The following EIF3F variants were observed in gnomAD, a reference collection of about 807,000 sequenced individuals.
EIF3F encodes the protein eukaryotic translation initiation factor 3 subunit F.
Under a neutral mutation model 36.0 loss-of-function variants are expected in EIF3F, and 8 were observed. The ratio of observed to expected loss-of-function variants is 0.22; its 90% CI spans 0.13 to 0.40. The LOEUF is 0.40. EIF3F is among the 10% of genes least tolerant of loss of function. The probability of loss-of-function intolerance (pLI) is 1.00; values close to 1 mark genes in which losing one functional copy is unlikely to be tolerated. For missense variants in EIF3F, 430 were observed against 467.6 expected (o/e 0.92, Z 0.74); for synonymous variants, 184 against 188.5 (o/e 0.98, Z 0.19).
chr11:7,993,502 C>T (rs1179954427), intron 4 of EIF3F, among the ~76,000 whole-genome samples: 2 of 152,182 alleles, frequency 1.3e-5, no homozygotes, highest in Admixed American at 6.5e-5. Context: ...ATGACAATGA[C>T]ATTACAGTGA....
intron 4 of EIF3F, 90 bp from the exon 5 acceptor site, chr11:7,994,336 T>C (rs1942136852): frequency 8.9e-7 from 1 of 1,125,032 alleles, no homozygotes; most frequent in African/African-American, 1.6e-5. Context: ...TTGAGAGCCA[T>C]ATTCCTGCTG....
intron 3 of EIF3F, chr11:7,992,476 G>A (rs1589905456): frequency 2.3e-6 from 1 of 436,856 alleles, no homozygotes. Context: ...GGAGGCTGAG[G>A]CTAGAGGATC....
chr11:7,999,734 A>T lies in EIF3F; in HGVS notation c.*3712A>T, dbSNP rs1942198740. 1 of 152,260 alleles carries T rather than the reference A, an allele frequency of 6.6e-6. No homozygotes were observed. The highest frequency in any genetic ancestry group is 2.4e-5 in the African/African-American group (1 of 41,472). 9.4% of individuals were successfully genotyped at this position (152,260 alleles called of 1,614,324 possible). A position where few individuals can be genotyped will look rare whatever the true frequency, so the allele number is the denominator to read the frequency against. ...ACTTGGTGTGAATGTAAATTAGTAC[A>T]GACATTGTGGAAAACAGTTTGTAGA... On this transcript the variant is annotated 3_prime_UTR_variant, in exon 8 of 8. Coordinates refer to ENST00000651655, the MANE Select transcript of EIF3F (RefSeq NM_003754.3).
chr11:7,991,749 A>G (rs369742788), intron 1 of EIF3F, 32 bp from the exon 2 acceptor site: 8 of 1,611,446 alleles, frequency 5.0e-6, no homozygotes, highest in South Asian at 4.4e-5. Context: ...CCCTAGGATT[A>G]TATAACACAT....
chr11:7,993,092 C>A, intron 4 of EIF3F, 68 bp downstream of exon 4: 1 of 1,495,654 alleles, frequency 6.7e-7, no homozygotes, highest in South Asian at 1.3e-5. Context: ...CCACCCCAAG[C>A]AAGGTTAATT....
At chr11:7,994,393 G>C (rs757476263) in intron 4 of EIF3F, 33 bp from the exon 5 acceptor site, 38 of 1,594,054 alleles carry the variant, frequency 2.4e-5, no homozygotes, top group African/African-American at 1.3e-4. Context: ...CTCTCCCAAG[G>C]CCATCTGTTT....
At chr11:7,992,229 T>C in intron 3 of EIF3F, 66 bp downstream of exon 3, 1 of 1,353,922 alleles carries the variant, frequency 7.4e-7, no homozygotes, top group Non-Finnish European at 1.0e-6. Context: ...TGTCTTTTGC[T>C]ACTGGACTGG....
rs1393713190 is a variant in EIF3F at position 7,993,109 on chromosome 11, A to C, written c.653+85A>C. 4.9e-6 allele frequency: 7 copies of C among 1,441,746 alleles called. No homozygotes were observed. The East Asian group carries it at 1.7e-4, about 36-fold the overall frequency. The allele number at this position is 1,441,746 out of a possible 1,614,324, so 89.3% of individuals were successfully genotyped here. ...ACCCCAAGCAAGGTTAATTCCTTCC[A>C]TGTGTAACTTGCTGTGTCCTTAGGA... On this transcript the variant is annotated intron_variant, in intron 4 of 7. Transcript: ENST00000651655.
chr11:7,992,217 G>C, intron 3 of EIF3F, 54 bp downstream of exon 3: 2 of 1,454,918 alleles, frequency 1.4e-6, no homozygotes, highest in Admixed American at 3.5e-5. Flanking sequence ...CGTGATTGCC[G>C]GTGTCTTTTG....
intron 1 of EIF3F, among the ~76,000 whole-genome samples, chr11:7,989,914 A>T (rs1942073166): frequency 6.6e-6 from 1 of 152,252 alleles, no homozygotes; most frequent in Non-Finnish European, 1.5e-5. Context: ...GTATTAAATA[A>T]TTACAAATGT....
At chr11:7,990,463 C>T (rs933494127) in intron 1 of EIF3F, among the ~76,000 whole-genome samples, 1 of 152,054 alleles carries the variant, frequency 6.6e-6, no homozygotes, top group African/African-American at 2.4e-5. Context: ...TAGATCAGGG[C>T]CTGGCCTAGA....
At position 7,992,178 on chromosome 11, in the gene EIF3F, T is replaced by TG. The variant is rs777403718; in HGVS notation, c.515+20dup. On this transcript the variant is annotated intron_variant, in intron 3 of 7. Transcript: ENST00000651655. ...ATCCTGGGCTGGTAAGTTGGGGAGG[T>TG]GGGGGCTGGGGTTAATGGAAGGTCT... is the stretch of plus-strand genomic sequence containing the variant. The TG allele has an allele frequency of 1.0e-5, 16 of 1,603,328 alleles. No homozygotes were observed. Among genetic ancestry groups the TG allele is most frequent in the Non-Finnish European group, 1.0e-5 (12 of 1,175,182 alleles).
In EIF3F at chr11:7,992,945, C is replaced by T; in HGVS notation, c.574C>T (p.Arg192Ter). 2 of 1,613,818 alleles carry T rather than the reference C, an allele frequency of 1.2e-6. No homozygotes were observed. The highest frequency in any genetic ancestry group is 1.7e-6 in the Non-Finnish European group (2 of 1,179,910). Residue 192 changes from arginine (R) to a stop codon, truncating the protein, a stop_gained, in exon 4 of 8, where the codon CGA becomes TGA. Coordinates refer to ENST00000651655, the MANE Select transcript of EIF3F (RefSeq NM_003754.3). LOFTEE classifies it high-confidence loss of function. ...HSVLIHEYYS[R>*]EAPNPIHLTV... The stretch of plus-strand genomic sequence containing the variant: ...TGTGCTGATCCACGAGTACTACAGC[C>T]GAGAGGCCCCCAACCCCATCCACCT...
chr11:7,987,516 C>T lies in EIF3F; in HGVS notation c.164C>T (p.Ala55Val), dbSNP rs760687210. The change falls in exon 1 of 8, where the codon GCA becomes GTA. Residue 55 changes from alanine (A) to valine (V), a missense_variant. Physicochemically the swap from Ala to Val is moderately conservative, Grantham distance 64. Transcript: ENST00000651655. ...TCAGACCCTGCGGCAGCAGCGGCTG[C>T]AACTGCGGCTCCTGGCCAGACCCCG... The part of the protein sequence containing the change: ...SSSDPAAAAA[A>V]TAAPGQTPAS... The T allele has an allele frequency of 6.2e-7, 1 of 1,606,514 alleles. No individual in the cohort carries two copies.
intron 1 of EIF3F, among the ~76,000 whole-genome samples, chr11:7,988,508 A>G (rs893594150): frequency 4.6e-5 from 7 of 152,254 alleles, no homozygotes; most frequent in African/African-American, 1.7e-4. Context: ...AGTTTGTAAA[A>G]TGGAAAAGCA....
chr11:7,995,528 G>C (rs1400238941), intron 7 of EIF3F, 161 bp downstream of exon 7: 1 of 659,936 alleles, frequency 1.5e-6, no homozygotes, highest in Non-Finnish European at 2.7e-6. Flanking sequence ...AGGAAGAGGT[G>C]TGTTATGCGT....
In EIF3F at chr11:7,997,010, G is replaced by A. The variant is rs921201511; in HGVS notation, c.*988G>A. On this transcript the variant is annotated 3_prime_UTR_variant, in exon 8 of 8. Coordinates refer to ENST00000651655, the MANE Select transcript of EIF3F (RefSeq NM_003754.3). ...ACTTGTGGAGAATATCACCTGGTAT[G>A]TAGTAAGCACAGATAAGTGGTAGAT... The A allele has an allele frequency of 6.6e-6, 1 of 152,202 alleles. No individual in the cohort carries two copies. Among genetic ancestry groups the A allele is most frequent in the African/African-American group, 2.4e-5 (1 of 41,444 alleles). 9.4% of individuals were successfully genotyped at this position (152,202 alleles called of 1,614,324 possible).
chr11:7,989,484 A>G (rs541156821), intron 1 of EIF3F, among the ~76,000 whole-genome samples: 4 of 152,200 alleles, frequency 2.6e-5, no homozygotes, highest in Non-Finnish European at 4.4e-5. Flanking sequence ...GCTTGCTATG[A>G]ACTTATTTCC....
At position 7,987,530 on chromosome 11, in the gene EIF3F, G is replaced by C; in HGVS notation, c.178G>C (p.Gly60Arg). Reference sequence around the variant, plus strand: ...AGCAGCGGCTGCAACTGCGGCTCCTGGCCAGACCCCGGCCTCAGCGCAAGC... The same window carrying C: ...AGCAGCGGCTGCAACTGCGGCTCCTCGCCAGACCCCGGCCTCAGCGCAAGC... ...AAAAAATAAP[G>R]QTPASAQAPA... The change falls in exon 1 of 8, where the codon GGC (glycine) becomes CGC (arginine). Residue 60 changes from glycine (G) to arginine (R), a missense_variant. Transcript: ENST00000651655. The C allele has an allele frequency of 6.2e-7, 1 of 1,604,940 alleles. No homozygotes were observed.
Sources: allele counts gnomAD v4.1 joint callset (sites outside exome capture counted in the v4.1 genomes callset), GRCh38; gene constraint gnomAD v4.1.1; transcripts MANE v1.5; gene names NCBI Gene and HGNC (gene_info 2026-07-23, HGNC 2026-07-21).